The following CCDC88A variants were observed in gnomAD, a reference collection of about 807,000 sequenced individuals.
CCDC88A encodes the protein coiled-coil and HOOK domain protein 88A, also known as girdin.
A neutral mutation model predicts 234.3 loss-of-function variants in CCDC88A; 54 were observed. That is an observed-to-expected ratio of 0.23 (90% CI 0.19 to 0.29). The LOEUF (loss-of-function observed/expected upper bound fraction) is 0.29, where lower values mean the gene tolerates loss of function less well. CCDC88A is among the 10% of genes least tolerant of loss of function. The probability of loss-of-function intolerance (pLI) is 1.00; values close to 1 mark genes in which losing one functional copy is unlikely to be tolerated. For missense variants in CCDC88A, 1,832 were observed against 2,123.4 expected (o/e 0.86, Z 2.70); for synonymous variants, 753 against 737.8 (o/e 1.02, Z -0.33).
At chr2:55,325,124 G>C (rs191227410) in intron 17 of CCDC88A, among the ~76,000 whole-genome samples, 21 of 152,052 alleles carry the variant, frequency 1.4e-4, no homozygotes, top group African/African-American at 4.3e-4. Flanking sequence ...ATTTTAATTG[G>C]GATTATGTTG....
chr2:55,305,012 A>G (rs17046837), intron 25 of CCDC88A, among the ~76,000 whole-genome samples: 10,856 of 152,268 alleles, frequency 0.071, 1,232 homozygotes, highest in African/African-American at 0.24. Context: ...GAGCAGTCAT[A>G]ATTCATTTAA....
At chr2:55,311,273 C>T (rs976764819) in intron 23 of CCDC88A, among the ~76,000 whole-genome samples, 22 of 152,218 alleles carry the variant, frequency 1.4e-4, no homozygotes, top group African/African-American at 5.3e-4. Context: ...TGTCCAGCCA[C>T]AAATGTGAAA....
At chr2:55,410,535 C>A (rs1415391206) in intron 2 of CCDC88A, among the ~76,000 whole-genome samples, 1 of 152,042 alleles carries the variant, frequency 6.6e-6, no homozygotes, top group African/African-American at 2.4e-5. Context: ...ATGTTAGGGG[C>A]AGATCTCCTC....
rs1685241125 is a variant in CCDC88A at position 55,334,244 on chromosome 2, A to C, written c.2577T>G (p.Ile859Met). 1 of 1,438,468 alleles carries C rather than the reference A, an allele frequency of 7.0e-7. No individual in the cohort carries two copies. Among genetic ancestry groups the C allele is most frequent in the African/African-American group, 1.5e-5 (1 of 68,264 alleles). The allele number at this position is 1,438,468 out of a possible 1,614,324, so 89.1% of individuals were successfully genotyped here. A position where few individuals can be genotyped will look rare whatever the true frequency, so the allele number is the denominator to read the frequency against. The change falls in exon 15 of 33, where the codon ATT becomes ATG. Residue 859 changes from isoleucine to methionine, a missense_variant. Coordinates refer to ENST00000436346, the MANE Select transcript of CCDC88A (RefSeq NM_001365480.1). The surrounding 1 kb of genome is among the most constrained non-coding windows in gnomAD (Gnocchi z 6.1). ...DTTLEENNVK[I>M]GNLEKENKTL... ...TTTTGTTTTCTTTTTCCAAATTTCCAATCTTCACATTATTTTCTTCTAATG... is the reference window on the plus strand; with the variant it reads ...TTTTGTTTTCTTTTTCCAAATTTCCCATCTTCACATTATTTTCTTCTAATG...
chr2:55,402,805 C>T (rs895847549), intron 2 of CCDC88A, among the ~76,000 whole-genome samples: 5 of 150,884 alleles, frequency 3.3e-5, no homozygotes, highest in Admixed American at 6.6e-5. Context: ...GTCAAGAGAT[C>T]GAGACCATCC....
rs1039731287 is a variant in CCDC88A at position 55,419,244 on chromosome 2, A to G, written c.-165T>C. 10 of 592,958 alleles carry G rather than the reference A, an allele frequency of 1.7e-5. No homozygotes were observed. In the African/African-American group the frequency reaches 1.9e-4, roughly 11 times the overall value. 36.7% of individuals were successfully genotyped at this position (592,958 alleles called of 1,614,324 possible). On this transcript the variant is annotated 5_prime_UTR_variant, in exon 1 of 33. Transcript: ENST00000436346. ...ACTCTCCCTCCTCAAAAAACACCCC[A>G]GAGTGAAACGAGCCGAAATCCCAAG... is the stretch of plus-strand genomic sequence containing the variant.
At chr2:55,369,224 A>T (rs898579406) in intron 5 of CCDC88A, among the ~76,000 whole-genome samples, 1 of 151,984 alleles carries the variant, frequency 6.6e-6, no homozygotes, top group African/African-American at 2.4e-5. Flanking sequence ...TAGTAGAGAC[A>T]GGGTTTCACT....
chr2:55,309,743 AC>A lies in CCDC88A; in HGVS notation c.4080-490del, dbSNP rs1365150402. Among the ~76,000 whole-genome samples the A allele has an allele frequency of 6.6e-6, 1 of 152,030 alleles. No homozygotes were observed. The highest frequency in any genetic ancestry group is 1.5e-5 in the Non-Finnish European group (1 of 68,016). On this transcript the variant is annotated intron_variant, in intron 23 of 32. Coordinates refer to ENST00000436346, the MANE Select transcript of CCDC88A (RefSeq NM_001365480.1). The surrounding 1 kb of genome is among the most constrained non-coding windows in gnomAD (Gnocchi z 5.1). ...TCATCAAAGTATTGTCTCTAAGAAA[AC>A]CCCACAATGCCAAAGAATACTATTT... is the stretch of plus-strand genomic sequence containing the variant.
chr2:55,412,381 C>T (rs1165469487), intron 2 of CCDC88A, among the ~76,000 whole-genome samples: 1 of 152,184 alleles, frequency 6.6e-6, no homozygotes, highest in African/African-American at 2.4e-5. Context: ...GAGTCTCTAA[C>T]CCCTGGGCCA....
intron 2 of CCDC88A, among the ~76,000 whole-genome samples, chr2:55,402,899 C>T (rs1678954511): frequency 6.6e-6 from 1 of 151,848 alleles, no homozygotes; most frequent in South Asian, 2.1e-4. Context: ...GTCCCAGTTA[C>T]TAGGGAGGCT....
chr2:55,336,601 ATT>A (rs1478573181), intron 14 of CCDC88A, 78 bp downstream of exon 14: 2 of 886,454 alleles, frequency 2.3e-6, no homozygotes, highest in African/African-American at 1.8e-5. Context: ...TTATATGAAC[ATT>A]TTGTTTGCAT....
At chr2:55,355,545 T>C in intron 8 of CCDC88A, 34 bp downstream of exon 8, 1 of 1,590,206 alleles carries the variant, frequency 6.3e-7, no homozygotes, top group South Asian at 1.1e-5. Context: ...TGGGACCATA[T>C]AAATTCAATG....
chr2:55,324,331 T>C (rs1039167150), intron 17 of CCDC88A: 1 of 152,192 alleles, frequency 6.6e-6, no homozygotes, highest in Non-Finnish European at 1.5e-5. Flanking sequence ...ATATAACCCA[T>C]ATATCAACAT....
intron 18 of CCDC88A, 25 bp downstream of exon 18, chr2:55,322,503 T>C (rs765120407): frequency 6.5e-6 from 9 of 1,393,954 alleles, no homozygotes; most frequent in Non-Finnish European, 9.0e-6. Context: ...AAAAACTATT[T>C]CTACTAAAAT....
At chr2:55,301,412 CAACTAGAAACTGG>C (rs60957899) in intron 27 of CCDC88A, 135 bp from the exon 28 acceptor site, 483,038 of 534,152 alleles carry the variant, frequency 0.9, 223,025 homozygotes, top group East Asian at 0.96. Context: ...TTCATAGACT[CAACTAGAAACTGG>C]AACTAGGAAT....
At chr2:55,322,951 C>G in intron 17 of CCDC88A, 1 of 272,850 alleles carries the variant, frequency 3.7e-6, no homozygotes, top group Non-Finnish European at 6.7e-6. Context: ...CCTGGATTAA[C>G]AGTGGATATA....
In CCDC88A at chr2:55,317,641, T is replaced by A. The variant is rs1319485972; in HGVS notation, c.3525A>T (p.Glu1175Asp). 1 of 1,612,622 alleles carries A rather than the reference T, an allele frequency of 6.2e-7. No individual in the cohort carries two copies. The highest frequency in any genetic ancestry group is 2.2e-5 in the East Asian group (1 of 44,814). The part of the protein sequence containing the change: ...LLHERQASEY[E>D]SLISKHGTLK... ...GAGTTCCATGTTTAGAGATAAGAGA[T>A]TCATACTCTGAAGCCTGACGTTCAT... The change falls in exon 20 of 33, where the codon GAA (glutamate) becomes GAT (aspartate). Residue 1175 changes from glutamate (E) to aspartate (D), a missense_variant. Glu to Asp is a conservative substitution (Grantham distance 45, BLOSUM62 2). Transcript: ENST00000436346. The surrounding 1 kb of genome is among the most constrained non-coding windows in gnomAD (Gnocchi z 4.2).
At chr2:55,383,045 G>T (rs1674845075) in intron 3 of CCDC88A, among the ~76,000 whole-genome samples, 1 of 145,142 alleles carries the variant, frequency 6.9e-6, no homozygotes, top group Admixed American at 7.2e-5. Flanking sequence ...TTTGTATTGA[G>T]CTTTTACAGG....
In CCDC88A at chr2:55,316,061, T is replaced by A. The variant is rs1682941712; in HGVS notation, c.3800A>T (p.Asp1267Val). The A allele has an allele frequency of 1.3e-6, 2 of 1,578,940 alleles. No individual in the cohort carries two copies. The highest frequency in any genetic ancestry group is 8.7e-7 in the Non-Finnish European group (1 of 1,155,496). Residue 1267 changes from aspartate (D) to valine (V), a missense_variant, in exon 22 of 33, where the codon GAC becomes GTC. By Grantham distance (152) the Asp-to-Val change is radical. Coordinates refer to ENST00000436346, the MANE Select transcript of CCDC88A (RefSeq NM_001365480.1). ...LLKETEVLQT[D>V]HKNLKSLLNN... ...CAGAAGACTTTTCAAATTTTTATGG[T>A]CAGTTTGTAAAACTTCAGTCTCTTT...
Sources: allele counts gnomAD v4.1 joint callset (sites outside exome capture counted in the v4.1 genomes callset), GRCh38; gene constraint gnomAD v4.1.1; non-coding constraint Gnocchi (gnomAD v3.1); transcripts MANE v1.5; gene names NCBI Gene and HGNC (gene_info 2026-07-23, HGNC 2026-07-21).